The following ATP6V0E1 variants were observed in gnomAD, a reference collection of about 807,000 sequenced individuals.
ATP6V0E1 encodes V-type proton ATPase subunit e 1.
A neutral mutation model predicts 11.6 loss-of-function variants in ATP6V0E1; 4 were observed. The ratio of observed to expected loss-of-function variants is 0.35; its 90% CI spans 0.17 to 0.79. ATP6V0E1 has a LOEUF of 0.79. Among genes scored for constraint, ATP6V0E1 ranks in the 30% least tolerant of loss-of-function variants. ATP6V0E1 has a pLI of 0.54. For missense variants in ATP6V0E1, 105 were observed against 100.0 expected (o/e 1.05, Z -0.21); for synonymous variants, 36 against 34.8 (o/e 1.04, Z -0.13).
intron 1 of ATP6V0E1, among the ~76,000 whole-genome samples, chr5:172,993,623 G>C (rs1756016210): frequency 6.6e-6 from 1 of 151,862 alleles, no homozygotes; most frequent in Non-Finnish European, 1.5e-5. Context: ...GGGAGGCTGA[G>C]GCAGGAGTAT....
intron 2 of ATP6V0E1, among the ~76,000 whole-genome samples, chr5:173,004,023 A>G (rs893243119): frequency 6.6e-6 from 1 of 152,150 alleles, no homozygotes; most frequent in Admixed American, 6.5e-5. Flanking sequence ...CAAAATTTCA[A>G]TAGTGCTGAG....
chr5:172,983,790 T>G lies in ATP6V0E1; in HGVS notation c.-71T>G. 3 of 1,450,294 alleles carry G rather than the reference T, an allele frequency of 2.1e-6. No individual in the cohort carries two copies. The highest frequency in any genetic ancestry group is 2.9e-6 in the Non-Finnish European group (3 of 1,037,994). 89.8% of individuals were successfully genotyped at this position (1,450,294 alleles called of 1,614,324 possible). A position where few individuals can be genotyped will look rare whatever the true frequency, so the allele number is the denominator to read the frequency against. ...GGGCTTGCACACGCTGGTCACGCGG[T>G]CAGCTATTGACACTTCCTGGTGGGA... is the stretch of plus-strand genomic sequence containing the variant. On this transcript the variant is annotated 5_prime_UTR_variant, in exon 1 of 4. Coordinates refer to ENST00000519374, the MANE Select transcript of ATP6V0E1 (RefSeq NM_003945.4).
At chr5:173,030,464 A>T (rs1756633358) in intron 3 of ATP6V0E1, among the ~76,000 whole-genome samples, 1 of 145,500 alleles carries the variant, frequency 6.9e-6, no homozygotes, top group Admixed American at 6.9e-5. Context: ...TTTTTGAAAC[A>T]GAGTCTCACT....
Position 173,035,362 on chromosome 5 carries a change from T to A in ATP6V0E1, c.*1000T>A, listed in dbSNP as rs1317362093. 1 of 152,188 alleles carries A rather than the reference T, an allele frequency of 6.6e-6. No homozygotes were observed. Among genetic ancestry groups the A allele is most frequent in the African/African-American group, 2.4e-5 (1 of 41,434 alleles). The allele number at this position is 152,188 out of a possible 1,614,324, so 9.4% of individuals were successfully genotyped here. On this transcript the variant is annotated 3_prime_UTR_variant, in exon 4 of 4. Coordinates refer to ENST00000519374, the MANE Select transcript of ATP6V0E1 (RefSeq NM_003945.4). ...GGGGCAGGAGACAGTAATTTTGTAT[T>A]TCAGTAGCAGGCATCTCGATACACT...
At chr5:173,017,492 C>T (rs1756418774) in intron 2 of ATP6V0E1, among the ~76,000 whole-genome samples, 1 of 150,114 alleles carries the variant, frequency 6.7e-6, no homozygotes, top group Admixed American at 6.7e-5. Flanking sequence ...CGAGATCGTG[C>T]CATCGCACTC....
intron 3 of ATP6V0E1, among the ~76,000 whole-genome samples, chr5:173,026,082 C>G (rs948920453): frequency 6.6e-6 from 1 of 152,000 alleles, no homozygotes; most frequent in Non-Finnish European, 1.5e-5. Context: ...CTGCAACCTC[C>G]GCTTCCTGGC....
At chr5:173,018,667 T>C (rs1307575417) in intron 2 of ATP6V0E1, among the ~76,000 whole-genome samples, 1 of 151,074 alleles carries the variant, frequency 6.6e-6, no homozygotes, top group Non-Finnish European at 1.5e-5. Context: ...ATAACAGTTA[T>C]CACCTGACAT....
chr5:173,016,665 A>T (rs1158913486), intron 2 of ATP6V0E1, among the ~76,000 whole-genome samples: 2 of 152,100 alleles, frequency 1.3e-5, no homozygotes, highest in Non-Finnish European at 2.9e-5. Context: ...GGCAGCTTGT[A>T]TTGCCTGCCG....
At chr5:173,016,172 G>A (rs1217960884) in intron 2 of ATP6V0E1, among the ~76,000 whole-genome samples, 2 of 152,220 alleles carry the variant, frequency 1.3e-5, no homozygotes, top group Non-Finnish European at 2.9e-5. Context: ...TGGGGCTTGC[G>A]ATTGGCATCA....
intron 2 of ATP6V0E1, among the ~76,000 whole-genome samples, chr5:173,013,506 C>T (rs992935982): frequency 7.1e-6 from 1 of 140,340 alleles, no homozygotes; most frequent in African/African-American, 2.7e-5. Context: ...ACCCGGCAGG[C>T]GGAGCTTGCA....
At chr5:173,016,305 T>A (rs1756399752) in intron 2 of ATP6V0E1, among the ~76,000 whole-genome samples, 1 of 152,156 alleles carries the variant, frequency 6.6e-6, no homozygotes, top group Non-Finnish European at 1.5e-5. Flanking sequence ...CGCTGCAGAA[T>A]TGATTGTGTG....
chr5:172,996,548 C>T (rs770818752), intron 2 of ATP6V0E1, among the ~76,000 whole-genome samples: 15 of 148,988 alleles, frequency 1.0e-4, no homozygotes, highest in Non-Finnish European at 1.6e-4. Context: ...GGCGACAGAG[C>T]GAGACTCCGC....
intron 2 of ATP6V0E1, among the ~76,000 whole-genome samples, chr5:173,014,613 C>T (rs1756375760): frequency 6.6e-6 from 1 of 152,016 alleles, no homozygotes; most frequent in South Asian, 2.1e-4. Flanking sequence ...GTGAAATAAG[C>T]CAAGTGCAGA....
intron 3 of ATP6V0E1, among the ~76,000 whole-genome samples, chr5:173,028,530 A>C (rs1280810727): frequency 6.6e-6 from 1 of 152,222 alleles, no homozygotes; most frequent in Non-Finnish European, 1.5e-5. Context: ...GAGAAAAATG[A>C]GGACCAGTTA....
intron 2 of ATP6V0E1, 138 bp from the exon 3 acceptor site, chr5:173,020,100 A>C: frequency 1.5e-6 from 1 of 661,612 alleles, no homozygotes; most frequent in Non-Finnish European, 2.7e-6. Flanking sequence ...GCTGCTGTTA[A>C]CACAATGTAT....
chr5:173,014,516 C>T (rs1756374735), intron 2 of ATP6V0E1, among the ~76,000 whole-genome samples: 2 of 152,110 alleles, frequency 1.3e-5, no homozygotes, highest in Admixed American at 6.6e-5. Context: ...GTTATATGTA[C>T]ACTACGGAAT....
chr5:173,025,140 ATTC>A (rs1756537310), intron 3 of ATP6V0E1, among the ~76,000 whole-genome samples: 1 of 111,012 alleles, frequency 9.0e-6, no homozygotes, highest in African/African-American at 3.7e-5. Flanking sequence ...TGTGCCTGGC[ATTC>A]TTTTTTTTTT....
chr5:172,992,946 C>T (rs1217672351), intron 1 of ATP6V0E1, among the ~76,000 whole-genome samples: 1 of 151,938 alleles, frequency 6.6e-6, no homozygotes, highest in Non-Finnish European at 1.5e-5. Context: ...TACAGGCGAG[C>T]ACCACCACGC....
At chr5:173,034,290 A>G in intron 3 of ATP6V0E1, 109 bp from the exon 4 acceptor site, 6 of 680,388 alleles carry the variant, frequency 8.8e-6, no homozygotes, top group Non-Finnish European at 1.6e-5. Flanking sequence ...TATTTTGTTG[A>G]GCATCTGTGC....
Sources: gnomAD v4.1 joint callset for allele counts (sites outside exome capture counted in the v4.1 genomes callset) on GRCh38, gnomAD v4.1.1 for gene constraint, MANE v1.5 for transcripts, NCBI Gene and HGNC (gene_info 2026-07-23, HGNC 2026-07-21) for gene names.